The following DNAH5 variants were observed in gnomAD, a reference collection of about 807,000 sequenced individuals.
DNAH5 encodes dynein axonemal heavy chain 5, also known as axonemal beta dynein heavy chain 5.
In DNAH5, 372 loss-of-function variants were observed where a neutral mutation model predicts 518.2. That is an observed-to-expected ratio of 0.72 (90% CI 0.66 to 0.78). The LOEUF is 0.78. Ranked by LOEUF, DNAH5 falls within the 30% of genes least tolerant of loss-of-function variation. The pLI, the probability that DNAH5 is intolerant of heterozygous loss-of-function variation, is 0.00. For synonymous variants in DNAH5, 2,039 were observed against 2,025.9 expected, an observed-to-expected ratio of 1.01 and a Z score of -0.17; for missense variants, 5,523 against 5,687.0, an observed-to-expected ratio of 0.97 and a Z score of 0.93.
chr5:14,009,015 A>T (rs1479473165), intron 1 of DNAH5, among the ~76,000 whole-genome samples: 2 of 152,202 alleles, frequency 1.3e-5, no homozygotes, highest in Non-Finnish European at 2.9e-5. Context: ...CAGGACTGTA[A>T]CTCAACATTC....
rs747090720 is a variant in DNAH5 at position 13,811,667 on chromosome 5, G to A, written c.7387C>T (p.Gln2463Ter). 1.2e-6 allele frequency: 2 copies of A among 1,614,100 alleles called. No homozygotes were observed. The highest frequency in any genetic ancestry group is 1.7e-4 in the Middle Eastern group (1 of 6,060). Residue 2463 changes from glutamine (Q) to a stop codon, truncating the protein, a stop_gained, in exon 44 of 79, where the codon CAA becomes TAA. Coordinates refer to ENST00000265104, the MANE Select transcript of DNAH5 (RefSeq NM_001369.3). LOFTEE classifies it high-confidence loss of function. ...FVITQSINML[Q>*]GLIPLKEQGG... ...TTTACCTTCAGAGGAATCAGGCCTT[G>A]AAGCATGTTAATGCTCTGTGTGATG...
intron 1 of DNAH5, among the ~76,000 whole-genome samples, chr5:13,971,396 G>A (rs1044620760): frequency 1.1e-4 from 16 of 152,122 alleles, no homozygotes; most frequent in African/African-American, 3.9e-4. Flanking sequence ...TCTCATTTGG[G>A]TAGACTATTA....
chr5:13,830,528 A>C, intron 36 of DNAH5, 69 bp downstream of exon 36: 1 of 1,577,786 alleles, frequency 6.3e-7, no homozygotes, highest in South Asian at 1.1e-5. Flanking sequence ...CAATTGTTGA[A>C]AACAAATTTT....
rs749849887 is a variant in DNAH5 at position 13,859,097 on chromosome 5, A to ACAC, written c.4950+354_4950+355insGTG. ...ACTTTAAAATGTCTGTAGTAGAAAA[A>ACAC]CTTAGCCTACCATTGTCAAGATAAC... On this transcript the variant is annotated intron_variant, in intron 30 of 78. Coordinates refer to ENST00000265104, the MANE Select transcript of DNAH5 (RefSeq NM_001369.3). Among the ~76,000 whole-genome samples, 50 of 152,046 alleles carry ACAC rather than the reference A, an allele frequency of 3.3e-4. No homozygotes were observed. The Middle Eastern group carries it at 0.01, about 31-fold the overall frequency.
chr5:13,913,696 G>A, intron 11 of DNAH5, 47 bp downstream of exon 11: 1 of 1,605,024 alleles, frequency 6.2e-7, no homozygotes, highest in Non-Finnish European at 8.5e-7. Flanking sequence ...AAATATTGAA[G>A]TTTAGTTGTG....
chr5:13,976,689 GTATA>G (rs1216182959), intron 1 of DNAH5, among the ~76,000 whole-genome samples: 15 of 138,018 alleles, frequency 1.1e-4, no homozygotes, highest in African/African-American at 3.4e-4. Context: ...GTGTGTGTGT[GTATA>G]TATATATATA....
chr5:13,850,846 G>C (rs1561429842), intron 30 of DNAH5, 31 bp from the exon 31 acceptor site: 1 of 1,610,206 alleles, frequency 6.2e-7, no homozygotes, highest in Non-Finnish European at 8.5e-7. Flanking sequence ...AGCACACTTA[G>C]ATTTGGACAC....
At chr5:13,726,443 T>C (rs966379309) in intron 70 of DNAH5, among the ~76,000 whole-genome samples, 3 of 152,142 alleles carry the variant, frequency 2.0e-5, no homozygotes, top group African/African-American at 7.2e-5. Context: ...CGGATGAAGA[T>C]AAAGTTACAA....
intron 1 of DNAH5, among the ~76,000 whole-genome samples, chr5:13,957,917 C>T (rs1780875055): frequency 6.6e-6 from 1 of 151,544 alleles, no homozygotes; most frequent in Non-Finnish European, 1.5e-5. Flanking sequence ...ACTCCATGAG[C>T]AATAAATATT....
At chr5:13,781,147 A>G (rs574401906) in intron 52 of DNAH5, among the ~76,000 whole-genome samples, 188 bp from the exon 53 acceptor site, 16 of 152,196 alleles carry the variant, frequency 1.1e-4, no homozygotes, top group Non-Finnish European at 2.4e-4. Context: ...GGGCTGCATC[A>G]GACGGGGTGG....
chr5:13,784,873 T>G (rs1434960372), intron 52 of DNAH5, among the ~76,000 whole-genome samples: 2 of 152,152 alleles, frequency 1.3e-5, no homozygotes, highest in African/African-American at 4.8e-5. Context: ...TTCCAACCTT[T>G]GAGGATCAAC....
chr5:13,736,481 G>A (rs376083826), intron 66 of DNAH5, among the ~76,000 whole-genome samples: 50 of 152,090 alleles, frequency 3.3e-4, no homozygotes, highest in African/African-American at 1.0e-3. Flanking sequence ...TGCAACCTCC[G>A]CCTCCTGGGT....
intron 70 of DNAH5, among the ~76,000 whole-genome samples, chr5:13,723,075 T>C (rs1745269627): frequency 6.6e-6 from 1 of 152,172 alleles, no homozygotes; most frequent in Non-Finnish European, 1.5e-5. Context: ...TTTGAGGAGG[T>C]GAATTTCAGT....
intron 40 of DNAH5, among the ~76,000 whole-genome samples, chr5:13,820,840 A>C (rs1306725047): frequency 1.4e-5 from 2 of 147,070 alleles, no homozygotes; most frequent in East Asian, 2.1e-4. Flanking sequence ...AAAAAAAAAA[A>C]AAAACACATC....
intron 30 of DNAH5, among the ~76,000 whole-genome samples, chr5:13,856,271 A>G (rs1767622971): frequency 6.6e-6 from 1 of 152,200 alleles, no homozygotes; most frequent in Non-Finnish European, 1.5e-5. Flanking sequence ...AAAGAAGAAA[A>G]GAGAGAAGAA....
chr5:13,716,943 G>C (rs1189647192), intron 73 of DNAH5, among the ~76,000 whole-genome samples: 1 of 152,140 alleles, frequency 6.6e-6, no homozygotes, highest in Non-Finnish European at 1.5e-5. Flanking sequence ...ATAGAAAATA[G>C]TGTTTGCTTT....
Position 13,876,752 on chromosome 5 carries a change from CATTCTT to C in DNAH5, c.3322_3327del (p.Lys1108_Asn1109del), listed in dbSNP as rs1020024941. The C allele has an allele frequency of 2.5e-6, 4 of 1,613,676 alleles. No individual in the cohort carries two copies. In the African/African-American group the frequency reaches 5.3e-5, roughly 22 times the overall value. On this transcript the variant is annotated inframe_deletion, in exon 22 of 79. Transcript: ENST00000265104. ...TTTACAATCTCTTTGTTTTCAGAAA[CATTCTT>C]ATAATAGTTCTTGGTTTGCACGGGA... is the stretch of plus-strand genomic sequence containing the variant.
intron 78 of DNAH5, among the ~76,000 whole-genome samples, chr5:13,697,459 G>T (rs949946998): frequency 5.9e-5 from 9 of 152,072 alleles, no homozygotes; most frequent in Non-Finnish European, 1.3e-4. Flanking sequence ...TTAAACACTG[G>T]TCCCCTCCCA....
chr5:13,841,779 T>C lies in DNAH5; in HGVS notation c.5397A>G (p.Ser1799=), dbSNP rs1386636501. The change falls in exon 33 of 79, where the codon TCA becomes TCG. Residue 1799 remains serine, a synonymous_variant. Coordinates refer to ENST00000265104, the MANE Select transcript of DNAH5 (RefSeq NM_001369.3). ...LNSLLEESQS[S]LHLVIRQAAA... ...CTGCCTGGCGAATCACAAGATGCAA[T>C]GAGGACTGAGATTCTTCCAAAAGAG... 1 of 1,614,028 alleles carries C rather than the reference T, an allele frequency of 6.2e-7. No individual in the cohort carries two copies. The highest frequency in any genetic ancestry group is 8.5e-7 in the Non-Finnish European group (1 of 1,179,926).
Sources: allele counts gnomAD v4.1 joint callset (sites outside exome capture counted in the v4.1 genomes callset), GRCh38; gene constraint gnomAD v4.1.1; transcripts MANE v1.5; gene names NCBI Gene and HGNC (gene_info 2026-07-23, HGNC 2026-07-21).